The following AKAP6 variants were observed in gnomAD, a reference collection of about 807,000 sequenced individuals.
AKAP6 encodes A-kinase anchor protein 6.
A neutral mutation model predicts 188.5 loss-of-function variants in AKAP6; 58 were observed. That is an observed-to-expected ratio of 0.31 (90% CI 0.25 to 0.38). AKAP6 has a LOEUF of 0.38. Among genes scored for constraint, AKAP6 ranks in the 10% least tolerant of loss-of-function variants. AKAP6 has a pLI of 1.00. For synonymous variants in AKAP6, 989 were observed against 998.6 expected (o/e 0.99, Z 0.18); for missense variants, 2,710 against 2,740.0 (o/e 0.99, Z 0.24).
At chr14:32,532,740 G>T (rs148836664) in intron 2 of AKAP6, among the ~76,000 whole-genome samples, 96 of 152,306 alleles carry the variant, frequency 6.3e-4, no homozygotes, top group African/African-American at 2.2e-3. Flanking sequence ...AAAGTGAGAT[G>T]CCAGAGACAG....
chr14:32,808,275 AG>A (rs775068596), intron 12 of AKAP6, among the ~76,000 whole-genome samples: 1 of 152,232 alleles, frequency 6.6e-6, no homozygotes, highest in Non-Finnish European at 1.5e-5. Context: ...GCAGGGATGA[AG>A]AGAGAAGACA....
chr14:32,578,081 GTTGA>G (rs1215761991), intron 5 of AKAP6, among the ~76,000 whole-genome samples: 1 of 152,096 alleles, frequency 6.6e-6, no homozygotes, highest in African/African-American at 2.4e-5. Flanking sequence ...CAACTGTGGG[GTTGA>G]TTTTCTGCCC....
chr14:32,414,850 C>A (rs972828706), intron 1 of AKAP6, among the ~76,000 whole-genome samples: 1 of 152,132 alleles, frequency 6.6e-6, no homozygotes, highest in Non-Finnish European at 1.5e-5. Context: ...CACTGAATGA[C>A]CTTGAATAAC....
chr14:32,332,175 A>G (rs1248375404), intron 1 of AKAP6, among the ~76,000 whole-genome samples: 2 of 152,106 alleles, frequency 1.3e-5, no homozygotes, highest in African/African-American at 4.8e-5. Context: ...TATGTAGTTA[A>G]TAAGTGATTG....
intron 1 of AKAP6, among the ~76,000 whole-genome samples, chr14:32,398,854 T>TG (rs1888976274): frequency 1.7e-5 from 2 of 114,382 alleles, no homozygotes; most frequent in Admixed American, 1.9e-4. Flanking sequence ...GTTTTTTTTT[T>TG]TTTTTTTTTT....
Position 32,546,743 on chromosome 14 carries a change from C to T in AKAP6, c.2090C>T (p.Ser697Phe). 1.2e-6 allele frequency: 2 copies of T among 1,614,110 alleles called. No individual in the cohort carries two copies. The highest frequency in any genetic ancestry group is 1.7e-6 in the Non-Finnish European group (2 of 1,180,012). Residue 697 changes from serine to phenylalanine, a missense_variant, in exon 4 of 14, where the codon TCT becomes TTT. Transcript: ENST00000280979. ...KKKHTRLGRVSPSSSSDIASS... is the reference protein window; with the variant it reads ...KKKHTRLGRVFPSSSSDIASS... ...AAGCATACAAGGCTAGGCAGGGTGT[C>T]TCCAAGCTCATCTAGTGACATAGCC...
chr14:32,642,273 C>T (rs200790375), intron 7 of AKAP6, among the ~76,000 whole-genome samples: 1 of 152,250 alleles, frequency 6.6e-6, no homozygotes, highest in East Asian at 1.9e-4. Flanking sequence ...TAGCAATGCC[C>T]CTTCAGGAGT....
intron 11 of AKAP6, among the ~76,000 whole-genome samples, chr14:32,736,735 C>G (rs561263779): frequency 4.1e-4 from 63 of 152,254 alleles, no homozygotes; most frequent in African/African-American, 1.5e-3. Flanking sequence ...CTCAAAGCAT[C>G]GTAGGACCAG....
chr14:32,500,336 A>G (rs1880545345), intron 2 of AKAP6, among the ~76,000 whole-genome samples: 1 of 152,186 alleles, frequency 6.6e-6, no homozygotes, highest in African/African-American at 2.4e-5. Flanking sequence ...TTACTTGATA[A>G]GATTATTTAT....
At chr14:32,708,405 G>A (rs898266171) in intron 9 of AKAP6, among the ~76,000 whole-genome samples, 4 of 151,634 alleles carry the variant, frequency 2.6e-5, no homozygotes, top group African/African-American at 9.7e-5. Flanking sequence ...GAGAGAAAGA[G>A]AGAGAGAGAG....
chr14:32,789,584 A>G (rs963544235), intron 12 of AKAP6, among the ~76,000 whole-genome samples: 8 of 152,164 alleles, frequency 5.3e-5, no homozygotes, highest in African/African-American at 1.9e-4. Flanking sequence ...TACAGGAAAA[A>G]ACGAGCCAAC....
chr14:32,691,541 C>G (rs534853337), intron 8 of AKAP6, among the ~76,000 whole-genome samples: 35 of 152,080 alleles, frequency 2.3e-4, no homozygotes, highest in African/African-American at 7.7e-4. Flanking sequence ...CAAAGAAATT[C>G]AATAATTTAT....
chr14:32,745,021 T>A (rs1024958953), intron 11 of AKAP6, among the ~76,000 whole-genome samples: 1 of 152,182 alleles, frequency 6.6e-6, no homozygotes, highest in Non-Finnish European at 1.5e-5. Context: ...TATCTTGAAT[T>A]CTTTGAGTTT....
intron 5 of AKAP6, among the ~76,000 whole-genome samples, chr14:32,597,748 T>G (rs1163396286): frequency 6.6e-6 from 1 of 152,204 alleles, no homozygotes; most frequent in East Asian, 1.9e-4. Context: ...TCTAGTCAGA[T>G]GAAATGATTC....
intron 1 of AKAP6, among the ~76,000 whole-genome samples, chr14:32,340,638 A>G (rs1361637469): frequency 6.6e-6 from 1 of 152,214 alleles, no homozygotes; most frequent in Admixed American, 6.5e-5. Flanking sequence ...TGTACCTGAA[A>G]ACATATTTTA....
At chr14:32,493,889 A>T (rs1413667725) in intron 2 of AKAP6, among the ~76,000 whole-genome samples, 1 of 152,182 alleles carries the variant, frequency 6.6e-6, no homozygotes, top group African/African-American at 2.4e-5. Flanking sequence ...TAAAGAGAAC[A>T]TTAAGATGTC....
At position 32,546,461 on chromosome 14, in the gene AKAP6, G is replaced by T. The variant is rs754134278; in HGVS notation, c.1808G>T (p.Ser603Ile). ...GTGCCACTTCTTTCAAAACACAAAA[G>T]CAAAAAAGGTCAAGCCTCCTCTCCA... ...SPVPLLSKHK[S>I]KKGQASSPSH... Residue 603 changes from serine (S) to isoleucine (I), a missense_variant, in exon 4 of 14, where the codon AGC becomes ATC. By Grantham distance (142) the Ser-to-Ile change is moderately radical (BLOSUM62 -2). This residue lies in a region of AKAP6 where 2,473 missense variants were observed against 2,426.1 expected (regional missense o/e 1.02). Coordinates refer to ENST00000280979, the MANE Select transcript of AKAP6 (RefSeq NM_004274.5). 1.9e-6 allele frequency: 3 copies of T among 1,614,034 alleles called. No homozygotes were observed. The highest frequency in any genetic ancestry group is 1.7e-6 in the Non-Finnish European group (2 of 1,179,994).
At chr14:32,736,433 G>C (rs886840326) in intron 11 of AKAP6, among the ~76,000 whole-genome samples, 10 of 151,972 alleles carry the variant, frequency 6.6e-5, no homozygotes, top group African/African-American at 2.4e-4. Context: ...CATTTTCACT[G>C]TATGTCCATG....
intron 13 of AKAP6, among the ~76,000 whole-genome samples, chr14:32,829,057 G>T (rs1387359237): frequency 6.6e-6 from 1 of 152,204 alleles, no homozygotes; most frequent in Non-Finnish European, 1.5e-5. Flanking sequence ...TTGAGAGCTG[G>T]TCAGGGGGAC....
Sources: gnomAD v4.1 joint callset for allele counts (sites outside exome capture counted in the v4.1 genomes callset) on GRCh38, gnomAD v4.1.1 for gene constraint, gnomAD v4.1.1 regional missense constraint, MANE v1.5 for transcripts, NCBI Gene and HGNC (gene_info 2026-07-23, HGNC 2026-07-21) for gene names.